Variants in TRPM5 observed in about 807,000 individuals in gnomAD.
TRPM5 encodes the protein transient receptor potential cation channel subfamily M member 5, also known as MLSN1 and TRP-related.
A neutral mutation model predicts 124.9 loss-of-function variants in TRPM5; 121 were observed. That is an observed-to-expected ratio of 0.97 (90% CI 0.84 to 1.13). The LOEUF is 1.13. Among genes scored for constraint, TRPM5 ranks in the 50% most tolerant of loss-of-function variants. The pLI, the probability that TRPM5 is intolerant of heterozygous loss-of-function variation, is 0.00. For synonymous variants in TRPM5, 781 were observed against 700.5 expected (o/e 1.11, Z -1.81); for missense variants, 1,643 against 1,589.1 (o/e 1.03, Z -0.58).
At chr11:2,414,017 A>ACCCCCCCCC in intron 12 of TRPM5, 44 bp downstream of exon 17, 1 of 357,912 alleles carries the variant, frequency 2.8e-6, no homozygotes. Context: ...TCGCCCGCCC[A>ACCCCCCCCC]CCCCACCCCC....
the TRPM5 span, among the ~76,000 whole-genome samples, chr11:2,442,653 A>T: frequency 6.6e-6 from 1 of 152,230 alleles, no homozygotes. The surrounding 1 kb of genome is among the most constrained non-coding windows in gnomAD (Gnocchi z 5.9). Flanking sequence ...GTCAAATGAT[A>T]CATTTAGTAA....
At chr11:2,426,231 A>T (rs1845839062), upstream of TRPM5, among the ~76,000 whole-genome samples, 6 of 152,184 alleles carry the variant, frequency 3.9e-5, no homozygotes, top group Admixed American at 3.9e-4. Flanking sequence ...GCCGAGTAGC[A>T]GCGTGGGGCA....
At chr11:2,417,751 C>T (rs1416999312) in exon 7 of TRPM5, 1 of 1,386,330 alleles carries the variant, frequency 7.2e-7, no homozygotes, top group Non-Finnish European at 9.7e-7. Context: ...TTCAGGATGA[C>T]CGTGTCCAGC....
chr11:2,405,732 CAG>C (rs1184809676), intron 22 of TRPM5, 139 bp from the exon 28 acceptor site: 10 of 975,402 alleles, frequency 1.0e-5, no homozygotes, highest in Non-Finnish European at 1.2e-5. Context: ...CGCTCACAGG[CAG>C]GGGTGAGTGA....
intron 4 of TRPM5, 62 bp from the exon 10 acceptor site, chr11:2,418,653 A>C: frequency 1.3e-6 from 2 of 1,507,002 alleles, no homozygotes; most frequent in Non-Finnish European, 1.8e-6. Flanking sequence ...CCCGGATCTC[A>C]GGCTCTCAGG....
chr11:2,408,347 G>A (rs1022583493), intron 18 of TRPM5, among the ~76,000 whole-genome samples: 2 of 152,210 alleles, frequency 1.3e-5, no homozygotes, highest in African/African-American at 2.4e-5. Flanking sequence ...GAGAGCTGCC[G>A]AGGAAAGGGA....
exon 21 of TRPM5, chr11:2,406,683 C>T: frequency 1.2e-6 from 2 of 1,612,734 alleles, no homozygotes; most frequent in Non-Finnish European, 1.7e-6. Context: ...TTCCGCAGCA[C>T]CTCCCCCTCG....
rs903142064 is a variant in TRPM5 at position 2,413,647 on chromosome 11, G to C, written c.1891-59C>G. On this transcript the variant is annotated intron_variant, in intron 12 of 23. Transcript: ENST00000155858. ...TGCACCTTTGCCCAGGCTGCGCCCT[G>C]CCCCAGGAATGCCCTTCCCCCAGGT... 2.3e-5 allele frequency: 34 copies of C among 1,502,600 alleles called. No homozygotes were observed. The African/African-American group carries it at 3.6e-4, about 16-fold the overall frequency. 93.1% of individuals were successfully genotyped at this position (1,502,600 alleles called of 1,614,324 possible).
At chr11:2,407,076 A>G in intron 20 of TRPM5, 43 bp downstream of exon 25, 1 of 1,497,910 alleles carries the variant, frequency 6.7e-7, no homozygotes, top group Non-Finnish European at 8.9e-7. Flanking sequence ...GGGACCCGCC[A>G]CCTCGGCCTC....
chr11:2,413,374 A>G, intron 13 of TRPM5, 102 bp downstream of exon 18: 1 of 1,319,176 alleles, frequency 7.6e-7, no homozygotes, highest in Non-Finnish European at 1.0e-6. Context: ...GGGGCTACAG[A>G]GTCAGGCTAC....
chr11:2,425,167 T>C (rs1845828509), upstream of TRPM5, among the ~76,000 whole-genome samples: 1 of 151,886 alleles, frequency 6.6e-6, no homozygotes. Context: ...ATTGCTGTTG[T>C]GTCCCGGGGC....
At chr11:2,409,630 A>G (rs376747534) in intron 18 of TRPM5, among the ~76,000 whole-genome samples, 2 of 152,148 alleles carry the variant, frequency 1.3e-5, no homozygotes, top group African/African-American at 4.8e-5. Flanking sequence ...GTTAGTGAAT[A>G]ACTCCCTGCC....
rs74930763 is a variant in TRPM5, at chr11:2,406,877, G to A, written c.3119-84C>T. 4.5e-5 allele frequency: 69 copies of A among 1,528,734 alleles called. 1 individual carries two copies. The East Asian group carries it at 1.5e-3, about 34-fold the overall frequency. 94.7% of individuals were successfully genotyped at this position (1,528,734 alleles called of 1,614,324 possible). On this transcript the variant is annotated intron_variant, in intron 20 of 23. Transcript: ENST00000155858. ...CCAGGCCTGGTCCCGGGGCGAGGTGGGCCAGGCAGAAGGAGTGAGTGGGGC... is the reference window on the plus strand; with the variant it reads ...CCAGGCCTGGTCCCGGGGCGAGGTGAGCCAGGCAGAAGGAGTGAGTGGGGC...
chr11:2,413,580 C>A, exon 13 of TRPM5: 2 of 1,612,310 alleles, frequency 1.2e-6, no homozygotes, highest in South Asian at 2.2e-5. Context: ...AGATCCTGGT[C>A]AGGAAGGCCT....
intron 23 of TRPM5, 39 bp downstream of exon 28, chr11:2,405,488 C>T (rs768306347): frequency 2.6e-6 from 4 of 1,545,432 alleles, no homozygotes; most frequent in East Asian, 4.9e-5. Context: ...AGTGGGTGCC[C>T]ATGCCCACCC....
At position 2,407,117 on chromosome 11, in the gene TRPM5, ACCCAGGTGCTCCCG is replaced by A; in HGVS notation, c.3106_3118+1del. On this transcript the variant is annotated splice_donor_variant and coding_sequence_variant, in exon 20 of 24. Transcript: ENST00000155858. LOFTEE classifies it high-confidence loss of function. ...GGTGCTCCCGCTTGTGCTCGGCCTCACCCAGGTGCTCCCGCTTGTGCTCAGCCTCCTTCTTGAAG... is the reference window on the plus strand; with the variant it reads ...GGTGCTCCCGCTTGTGCTCGGCCTCACTTGTGCTCAGCCTCCTTCTTGAAG... The A allele has an allele frequency of 2.9e-6, 4 of 1,361,684 alleles. No individual in the cohort carries two copies. Among genetic ancestry groups the A allele is most frequent in the Non-Finnish European group, 3.9e-6 (4 of 1,016,648 alleles). The allele number at this position is 1,361,684 out of a possible 1,614,324, so 84.4% of individuals were successfully genotyped here.
At chr11:2,432,886 C>T in the TRPM5 span, among the ~76,000 whole-genome samples, 169 of 152,320 alleles carry the variant, frequency 1.1e-3, no homozygotes, top group African/African-American at 3.8e-3. Context: ...TCTGACCCCT[C>T]GGGGGGCAGC....
chr11:2,424,655 C>T (rs1434248005), upstream of TRPM5, among the ~76,000 whole-genome samples: 2 of 152,260 alleles, frequency 1.3e-5, no homozygotes, highest in Non-Finnish European at 2.9e-5. Context: ...CAAGGGACAC[C>T]TGGAGCCCCG....
Position 2,407,100 on chromosome 11 carries a change from C to T in TRPM5, c.3118+19G>A, listed in dbSNP as rs564576354. The T allele has an allele frequency of 1.6e-4, 166 of 1,060,044 alleles. 3 individuals carry two copies. The South Asian group carries it at 2.7e-3, about 17-fold the overall frequency. The allele number at this position is 1,060,044 out of a possible 1,614,324, so 65.7% of individuals were successfully genotyped here. On this transcript the variant is annotated intron_variant, in intron 20 of 23. Coordinates refer to ENST00000155858, the Ensembl canonical transcript of TRPM5. Reference sequence around the variant, plus strand: ...CACCTCGGCCTCACCCAGGTGCTCCCGCTTGTGCTCGGCCTCACCCAGGTG... The same window carrying T: ...CACCTCGGCCTCACCCAGGTGCTCCTGCTTGTGCTCGGCCTCACCCAGGTG...
Sources: allele counts gnomAD v4.1 joint callset (sites outside exome capture counted in the v4.1 genomes callset), GRCh38; gene constraint gnomAD v4.1.1; non-coding constraint Gnocchi (gnomAD v3.1); transcripts MANE v1.5; gene names NCBI Gene and HGNC (gene_info 2026-07-23, HGNC 2026-07-21).